Variants in TMEM163 observed in about 807,000 individuals in gnomAD.
TMEM163 encodes the protein transmembrane protein 163.
In TMEM163, 17 loss-of-function variants were observed where a neutral mutation model predicts 29.3. That is an observed-to-expected ratio of 0.58 (90% CI 0.40 to 0.87). The LOEUF (loss-of-function observed/expected upper bound fraction) is 0.87, where lower values mean the gene tolerates loss of function less well. Ranked by LOEUF, TMEM163 falls within the 40% of genes least tolerant of loss-of-function variation. The probability of loss-of-function intolerance (pLI) is 0.00; values close to 1 mark genes in which losing one functional copy is unlikely to be tolerated. For synonymous variants in TMEM163, 157 were observed against 160.6 expected (o/e 0.98, Z 0.17); for missense variants, 303 against 381.5 (o/e 0.79, Z 1.71).
intron 4 of TMEM163, among the ~76,000 whole-genome samples, chr2:134,529,821 G>T (rs1204032602): frequency 6.6e-6 from 1 of 151,912 alleles, no homozygotes; most frequent in Non-Finnish European, 1.5e-5. Flanking sequence ...TTAAAATCAT[G>T]AAATGTTATT....
At chr2:134,676,452 A>G (rs1435283829) in intron 2 of TMEM163, among the ~76,000 whole-genome samples, 2 of 152,220 alleles carry the variant, frequency 1.3e-5, no homozygotes, top group Non-Finnish European at 2.9e-5. Context: ...ACTGCAGTAG[A>G]TATAGATATA....
chr2:134,675,137 A>G (rs1340899540), intron 2 of TMEM163, among the ~76,000 whole-genome samples: 1 of 152,254 alleles, frequency 6.6e-6, no homozygotes, highest in African/African-American at 2.4e-5. Context: ...TACAATATGT[A>G]TTATCGAAAA....
intron 4 of TMEM163, among the ~76,000 whole-genome samples, chr2:134,533,626 G>A (rs1680463884): frequency 6.6e-6 from 1 of 152,102 alleles, no homozygotes; most frequent in African/African-American, 2.4e-5. Context: ...AGAATGTCAG[G>A]GTTCTCTTGT....
intron 5 of TMEM163, among the ~76,000 whole-genome samples, chr2:134,481,189 G>A (rs943301474): frequency 3.3e-5 from 5 of 152,072 alleles, no homozygotes; most frequent in Non-Finnish European, 7.4e-5. Context: ...GTATCATCCT[G>A]GAGTCTTACT....
chr2:134,483,981 A>G (rs1679259946), intron 5 of TMEM163, among the ~76,000 whole-genome samples: 1 of 152,106 alleles, frequency 6.6e-6, no homozygotes, highest in Admixed American at 6.5e-5. Context: ...TCATCTCTAC[A>G]ATACAAAAAA....
chr2:134,461,364 T>C (rs1035620977), intron 6 of TMEM163, among the ~76,000 whole-genome samples: 4 of 152,176 alleles, frequency 2.6e-5, no homozygotes, highest in Admixed American at 2.0e-4. Flanking sequence ...ATTTGAGAAC[T>C]GGATATGAGC....
At chr2:134,554,020 C>A (rs937102561) in intron 2 of TMEM163, among the ~76,000 whole-genome samples, 1 of 152,210 alleles carries the variant, frequency 6.6e-6, no homozygotes, top group Non-Finnish European at 1.5e-5. Context: ...CCCTTTACAA[C>A]CTGTTTTTAG....
chr2:134,696,517 C>A (rs908369245), intron 2 of TMEM163, among the ~76,000 whole-genome samples: 1 of 152,026 alleles, frequency 6.6e-6, no homozygotes, highest in Non-Finnish European at 1.5e-5. Context: ...GATTGTCTTC[C>A]CAGCTCTGAA....
At chr2:134,611,619 G>C (rs1369373024) in intron 2 of TMEM163, among the ~76,000 whole-genome samples, 4 of 152,146 alleles carry the variant, frequency 2.6e-5, no homozygotes, top group Admixed American at 1.3e-4. Flanking sequence ...ATGAGCAAAA[G>C]AACAAGGACA....
chr2:134,507,525 G>A lies in TMEM163; in HGVS notation c.459-4528C>T, dbSNP rs554699570. 2.8e-4 allele frequency among the ~76,000 whole-genome samples: 42 copies of A among 152,270 alleles called. 1 individual carries two copies. The South Asian group carries it at 3.7e-3, about 14-fold the overall frequency. On this transcript the variant is annotated intron_variant, in intron 4 of 7. Transcript: ENST00000281924. ...CTGGGGACGTGGCCCCTCAATCTGT[G>A]TTTTAATAAGCCCTTCAGGTGATTC...
chr2:134,706,717 C>T (rs1042679205), intron 2 of TMEM163, among the ~76,000 whole-genome samples: 1 of 152,128 alleles, frequency 6.6e-6, no homozygotes, highest in Non-Finnish European at 1.5e-5. Flanking sequence ...AGGACACAGC[C>T]TGTAGGGCCC....
chr2:134,655,772 G>C (rs1463399697), intron 2 of TMEM163, among the ~76,000 whole-genome samples: 3 of 141,968 alleles, frequency 2.1e-5, no homozygotes, highest in Admixed American at 2.1e-4. Flanking sequence ...TAACAGACAG[G>C]ACCCTCAGCT....
intron 5 of TMEM163, among the ~76,000 whole-genome samples, chr2:134,479,459 G>A (rs1686994312): frequency 1.3e-5 from 2 of 152,110 alleles, no homozygotes; most frequent in Admixed American, 1.3e-4. Flanking sequence ...AGAACCTGAC[G>A]GACCCCTGGG....
chr2:134,621,918 A>T (rs1477734078), intron 2 of TMEM163, among the ~76,000 whole-genome samples: 1 of 152,100 alleles, frequency 6.6e-6, no homozygotes, highest in African/African-American at 2.4e-5. Flanking sequence ...AAATAAAAAA[A>T]AACTAAACCC....
At chr2:134,605,784 T>C (rs1440270834) in intron 2 of TMEM163, among the ~76,000 whole-genome samples, 14 of 151,960 alleles carry the variant, frequency 9.2e-5, no homozygotes, top group Admixed American at 9.2e-4. Flanking sequence ...TGATTGAGTC[T>C]GAGAAAAAAT....
intron 2 of TMEM163, among the ~76,000 whole-genome samples, chr2:134,556,909 G>A (rs1337181684): frequency 6.6e-6 from 1 of 152,236 alleles, no homozygotes; most frequent in African/African-American, 2.4e-5. Flanking sequence ...CAGATAGGTT[G>A]TATGTTGGGT....
intron 2 of TMEM163, among the ~76,000 whole-genome samples, chr2:134,655,487 G>A (rs1416611909): frequency 1.5e-5 from 2 of 131,454 alleles, no homozygotes; most frequent in African/African-American, 6.8e-5. Context: ...TTTGCCTTTG[G>A]TTTGAATGTC....
chr2:134,523,624 G>T (rs1357130452), intron 4 of TMEM163, among the ~76,000 whole-genome samples: 3 of 152,116 alleles, frequency 2.0e-5, no homozygotes, highest in Non-Finnish European at 4.4e-5. Context: ...AATTCATCTT[G>T]GTAGGAATTA....
intron 5 of TMEM163, among the ~76,000 whole-genome samples, chr2:134,499,209 C>G (rs182537290): frequency 6.6e-6 from 1 of 152,144 alleles, no homozygotes; most frequent in African/African-American, 2.4e-5. Flanking sequence ...AAGATGCAGT[C>G]GGGGAGGCAG....
Sources: allele counts gnomAD v4.1 joint callset (sites outside exome capture counted in the v4.1 genomes callset), GRCh38; gene constraint gnomAD v4.1.1; transcripts MANE v1.5; gene names NCBI Gene and HGNC (gene_info 2026-07-23, HGNC 2026-07-21).